The following MAML2 variants were observed in gnomAD, a reference collection of about 807,000 sequenced individuals.
The protein encoded by MAML2 is mastermind like transcriptional coactivator 2.
In MAML2, 22 loss-of-function variants were observed where a neutral mutation model predicts 96.1. That is an observed-to-expected ratio of 0.23 (90% CI 0.16 to 0.33). MAML2 has a LOEUF of 0.33. MAML2 is among the 10% of genes least tolerant of loss of function. MAML2 has a pLI of 1.00. For missense variants in MAML2, 1,367 were observed against 1,392.4 expected, an observed-to-expected ratio of 0.98 and a Z score of 0.29; for synonymous variants, 561 against 521.3, an observed-to-expected ratio of 1.08 and a Z score of -1.04.
intron 1 of MAML2, among the ~76,000 whole-genome samples, chr11:96,165,040 T>C (rs1249193006): frequency 6.6e-6 from 1 of 152,200 alleles, no homozygotes; most frequent in Non-Finnish European, 1.5e-5. Flanking sequence ...ACGAAAGAGA[T>C]CTATCTACCA....
chr11:96,125,578 A>C (rs1172614735), intron 1 of MAML2, among the ~76,000 whole-genome samples: 1 of 152,190 alleles, frequency 6.6e-6, no homozygotes, highest in Non-Finnish European at 1.5e-5. Flanking sequence ...TGGCACACAT[A>C]TTACGAAATC....
At chr11:96,267,552 A>T (rs964876599) in intron 1 of MAML2, among the ~76,000 whole-genome samples, 1 of 152,268 alleles carries the variant, frequency 6.6e-6, no homozygotes, top group Non-Finnish European at 1.5e-5. Flanking sequence ...CCTAATGCTT[A>T]CCGCACATGG....
chr11:96,243,825 T>G (rs192908038), intron 1 of MAML2, among the ~76,000 whole-genome samples: 5 of 152,184 alleles, frequency 3.3e-5, no homozygotes, highest in Admixed American at 3.3e-4. Context: ...GGCTAATTTT[T>G]TGTATTTTTA....
At chr11:96,121,702 AAGAG>A (rs1860343255) in intron 1 of MAML2, among the ~76,000 whole-genome samples, 1 of 151,782 alleles carries the variant, frequency 6.6e-6, no homozygotes, top group East Asian at 1.9e-4. Context: ...AAAGAAAAAA[AAGAG>A]AGAAGACTAG....
chr11:96,091,563 G>A (rs1470384361), intron 2 of MAML2, among the ~76,000 whole-genome samples: 10 of 152,100 alleles, frequency 6.6e-5, no homozygotes, highest in Non-Finnish European at 1.3e-4. Context: ...TTGACTTAAT[G>A]ACTAATTTAC....
intron 1 of MAML2, among the ~76,000 whole-genome samples, chr11:96,262,543 C>T (rs541988892): frequency 2.0e-5 from 3 of 152,048 alleles, no homozygotes; most frequent in East Asian, 1.9e-4. Context: ...TCTCAGCTCA[C>T]TGCAACCTCC....
At chr11:96,221,966 C>T (rs1862146564) in intron 1 of MAML2, among the ~76,000 whole-genome samples, 1 of 152,152 alleles carries the variant, frequency 6.6e-6, no homozygotes, top group Non-Finnish European at 1.5e-5. Flanking sequence ...TGTTTCACCT[C>T]ATTTCCTCCC....
chr11:96,095,190 C>T (rs1200508807), intron 1 of MAML2, among the ~76,000 whole-genome samples: 1 of 152,062 alleles, frequency 6.6e-6, no homozygotes, highest in African/African-American at 2.4e-5. Flanking sequence ...TAGGATCAAC[C>T]TAGTATAAAG....
intron 2 of MAML2, among the ~76,000 whole-genome samples, chr11:96,002,552 TG>T (rs1858097149): frequency 1.1e-5 from 1 of 88,796 alleles, no homozygotes; most frequent in African/African-American, 4.9e-5. Flanking sequence ...ATGATGGGGA[TG>T]ATGAAGATGA....
At chr11:96,113,416 T>C (rs1202576495) in intron 1 of MAML2, among the ~76,000 whole-genome samples, 1 of 152,022 alleles carries the variant, frequency 6.6e-6, no homozygotes, top group Non-Finnish European at 1.5e-5. Context: ...GAGAATCTCA[T>C]TACATCAAGT....
intron 1 of MAML2, among the ~76,000 whole-genome samples, chr11:96,112,490 G>C (rs1036386666): frequency 6.6e-6 from 1 of 152,278 alleles, no homozygotes; most frequent in African/African-American, 2.4e-5. Flanking sequence ...TAAAATGCCT[G>C]AGCCGCTGGG....
intron 1 of MAML2, among the ~76,000 whole-genome samples, chr11:96,197,442 A>G (rs1403755644): frequency 1.3e-5 from 2 of 152,210 alleles, no homozygotes; most frequent in African/African-American, 4.8e-5. Context: ...GAGGCAATCC[A>G]AGTAGCCAGA....
intron 3 of MAML2, among the ~76,000 whole-genome samples, chr11:95,988,179 GAGA>G (rs1251215531): frequency 6.6e-6 from 1 of 151,822 alleles, no homozygotes; most frequent in Non-Finnish European, 1.5e-5. Context: ...GAGAGATAAA[GAGA>G]AGAAGGTGCT....
intron 4 of MAML2, among the ~76,000 whole-genome samples, chr11:95,980,745 C>T (rs74546935): frequency 1.3e-4 from 20 of 152,286 alleles, no homozygotes; most frequent in African/African-American, 4.1e-4. Flanking sequence ...GCAGTATTTG[C>T]CCTTCGAATC....
chr11:96,313,222 T>C (rs983264574), intron 1 of MAML2, among the ~76,000 whole-genome samples: 1 of 152,128 alleles, frequency 6.6e-6, no homozygotes, highest in African/African-American at 2.4e-5. Flanking sequence ...ACCTGATCTA[T>C]CTAACTTCTG....
intron 1 of MAML2, among the ~76,000 whole-genome samples, chr11:96,183,203 C>A (rs978325029): frequency 6.6e-6 from 1 of 152,164 alleles, no homozygotes; most frequent in Non-Finnish European, 1.5e-5. Flanking sequence ...AAGTGATCCA[C>A]CCGCCTCGGC....
intron 1 of MAML2, among the ~76,000 whole-genome samples, chr11:96,169,187 T>A (rs1861241855): frequency 6.6e-6 from 1 of 152,168 alleles, no homozygotes; most frequent in Non-Finnish European, 1.5e-5. Context: ...GAGAGAATAG[T>A]TTACTCTGTA....
chr11:96,206,678 C>T (rs1861900922), intron 1 of MAML2, among the ~76,000 whole-genome samples: 1 of 152,130 alleles, frequency 6.6e-6, no homozygotes. Flanking sequence ...CTTTTCAGAC[C>T]TAAAGTAAAA....
chr11:96,177,016 T>C (rs550550726), intron 1 of MAML2, among the ~76,000 whole-genome samples: 14 of 152,288 alleles, frequency 9.2e-5, no homozygotes, highest in Admixed American at 3.9e-4. Context: ...AAGGAATAAA[T>C]ATACCATTCA....
Sources: allele counts gnomAD v4.1 joint callset (sites outside exome capture counted in the v4.1 genomes callset), GRCh38; gene constraint gnomAD v4.1.1; transcripts MANE v1.5; gene names NCBI Gene and HGNC (gene_info 2026-07-23, HGNC 2026-07-21).